Variants in MAP7 observed in about 807,000 individuals in gnomAD.
MAP7 encodes the protein microtubule associated protein 7.
A neutral mutation model predicts 94.8 loss-of-function variants in MAP7; 52 were observed. That is an observed-to-expected ratio of 0.55 (90% confidence interval 0.44 to 0.69). The LOEUF is 0.69. Ranked by LOEUF, MAP7 falls within the 30% of genes least tolerant of loss-of-function variation. The pLI is 0.00. For synonymous variants in MAP7, 350 were observed against 357.0 expected, an observed-to-expected ratio of 0.98 and a Z score of 0.22; for missense variants, 940 against 964.6, an observed-to-expected ratio of 0.97 and a Z score of 0.34.
chr6:136,516,939 T>C lies in MAP7; in HGVS notation c.67+33403A>G, dbSNP rs538944390. Among the ~76,000 whole-genome samples the C allele has an allele frequency of 8.1e-5, 12 of 147,926 alleles. No homozygotes were observed. In the South Asian group the frequency reaches 2.1e-3, roughly 26 times the overall value. ...TCACATACATGCACACGAGCGCACA[T>C]GCACACCCCACATCAGAAGGAAAAA... On this transcript the variant is annotated intron_variant, in intron 1 of 17. Coordinates refer to ENST00000354570, the MANE Select transcript of MAP7 (RefSeq NM_003980.6).
chr6:136,360,945 C>G, intron 12 of MAP7, 60 bp downstream of exon 12: 1 of 1,548,682 alleles, frequency 6.5e-7, no homozygotes, highest in Non-Finnish European at 8.7e-7. Flanking sequence ...CCCTCCTCTG[C>G]TGGGCTGGGG....
At chr6:136,535,866 A>C (rs1402365681) in intron 1 of MAP7, among the ~76,000 whole-genome samples, 4 of 151,820 alleles carry the variant, frequency 2.6e-5, no homozygotes, top group African/African-American at 4.8e-5. Context: ...CATTTACATT[A>C]GGTATATCTC....
chr6:136,355,492 C>A lies in MAP7; in HGVS notation c.2015+1200G>T, dbSNP rs116092704. Among the ~76,000 whole-genome samples, 751 of 152,210 alleles carry A rather than the reference C, an allele frequency of 4.9e-3. 7 individuals carry two copies. Among genetic ancestry groups the A allele is most frequent in the African/African-American group, 0.017 (720 of 41,544 alleles). ...AATAAATAAATAAAAATTCCACAGT[C>A]TCAGAAAGATATCAACACAATAGTA... is the stretch of plus-strand genomic sequence containing the variant. On this transcript the variant is annotated intron_variant, in intron 16 of 17. Coordinates refer to ENST00000354570, the MANE Select transcript of MAP7 (RefSeq NM_003980.6).
chr6:136,518,652 T>C (rs181964639), intron 1 of MAP7, among the ~76,000 whole-genome samples: 42 of 152,318 alleles, frequency 2.8e-4, no homozygotes, highest in African/African-American at 1.0e-3. Context: ...ATCACCTTCA[T>C]TGCTCTTAAG....
At chr6:136,459,683 G>A (rs756562048) in intron 1 of MAP7, among the ~76,000 whole-genome samples, 6 of 152,112 alleles carry the variant, frequency 3.9e-5, no homozygotes, top group Non-Finnish European at 7.4e-5. Context: ...CACTTATGAT[G>A]TATCTAAAAC....
intron 8 of MAP7, among the ~76,000 whole-genome samples, chr6:136,371,206 G>A (rs1309007435): frequency 6.6e-6 from 1 of 152,200 alleles, no homozygotes; most frequent in Non-Finnish European, 1.5e-5. Context: ...TCAGCCACAG[G>A]TGGCCCTCAA....
intron 3 of MAP7, among the ~76,000 whole-genome samples, chr6:136,394,968 A>ATATATCTATC (rs1477760854): frequency 9.2e-5 from 12 of 130,596 alleles, no homozygotes; most frequent in African/African-American, 3.1e-4. Context: ...ATATATATAT[A>ATATATCTATC]TATCACATTT....
rs1791045743 is a variant in MAP7, at chr6:136,356,676, G to C, written c.2015+16C>G. 1 of 1,591,442 alleles carries C rather than the reference G, an allele frequency of 6.3e-7. No homozygotes were observed. The highest frequency in any genetic ancestry group is 8.6e-7 in the Non-Finnish European group (1 of 1,159,626). ...ACAGTAATGTTTTACTTTAATGAATGTCAGTGAAAACTCACCTCTCCACTG... is the reference window on the plus strand; with the variant it reads ...ACAGTAATGTTTTACTTTAATGAATCTCAGTGAAAACTCACCTCTCCACTG... On this transcript the variant is annotated intron_variant, in intron 16 of 17. Coordinates refer to ENST00000354570, the MANE Select transcript of MAP7 (RefSeq NM_003980.6).
intron 1 of MAP7, among the ~76,000 whole-genome samples, chr6:136,536,632 T>C (rs1828911803): frequency 6.6e-6 from 1 of 152,244 alleles, no homozygotes; most frequent in African/African-American, 2.4e-5. Context: ...AGCTGGCTCC[T>C]GTTTCCACAG....
chr6:136,483,217 T>C lies in MAP7; in HGVS notation c.68-61418A>G, dbSNP rs145076307. Among the ~76,000 whole-genome samples the C allele has an allele frequency of 6.0e-3, 912 of 151,670 alleles. 7 individuals are homozygous for C. Among genetic ancestry groups the C allele is most frequent in the African/African-American group, 0.021 (877 of 41,374 alleles). ...CATAAAAAAGAACAGCATCATGTCC[T>C]CTGCAGCAACATGGATGGAGATGGA... On this transcript the variant is annotated intron_variant, in intron 1 of 17. Coordinates refer to ENST00000354570, the MANE Select transcript of MAP7 (RefSeq NM_003980.6).
At chr6:136,399,810 T>G (rs1203518276) in intron 3 of MAP7, among the ~76,000 whole-genome samples, 1 of 152,228 alleles carries the variant, frequency 6.6e-6, no homozygotes, top group African/African-American at 2.4e-5. Flanking sequence ...AAAAGGAATC[T>G]AATGGCTTAA....
chr6:136,372,221 C>T (rs2272875), intron 8 of MAP7, among the ~76,000 whole-genome samples: 8,655 of 152,240 alleles, frequency 0.057, 521 homozygotes, highest in East Asian at 0.23. Flanking sequence ...TGTGTATGGA[C>T]GCTCCAGGAG....
intron 15 of MAP7, among the ~76,000 whole-genome samples, chr6:136,357,174 G>A (rs1454693352): frequency 2.0e-5 from 3 of 152,190 alleles, no homozygotes; most frequent in East Asian, 3.9e-4. Flanking sequence ...TCTTTACAAA[G>A]GATTCAGAGC....
chr6:136,405,118 T>C (rs1785201978), intron 3 of MAP7, among the ~76,000 whole-genome samples: 2 of 152,350 alleles, frequency 1.3e-5, no homozygotes, highest in South Asian at 4.1e-4. Context: ...ATGCAATACC[T>C]CCTGCATTCA....
At chr6:136,357,184 C>A (rs1358951503) in intron 15 of MAP7, among the ~76,000 whole-genome samples, 1 of 152,116 alleles carries the variant, frequency 6.6e-6, no homozygotes, top group Admixed American at 6.5e-5. Flanking sequence ...GGATTCAGAG[C>A]AAATCACCAA....
chr6:136,409,924 C>T (rs1317721099), intron 3 of MAP7, among the ~76,000 whole-genome samples: 1 of 152,066 alleles, frequency 6.6e-6, no homozygotes, highest in African/African-American at 2.4e-5. Context: ...TATGGCATTA[C>T]ATGTTAAGAA....
At chr6:136,527,124 C>A (rs1017491563) in intron 1 of MAP7, among the ~76,000 whole-genome samples, 2 of 152,188 alleles carry the variant, frequency 1.3e-5, no homozygotes, top group African/African-American at 2.4e-5. Context: ...TTGCTACCAG[C>A]GGTGCTGAGC....
intron 1 of MAP7, among the ~76,000 whole-genome samples, chr6:136,464,230 A>T (rs1806190257): frequency 6.6e-6 from 1 of 152,226 alleles, no homozygotes; most frequent in African/African-American, 2.4e-5. Context: ...TTAACATTGC[A>T]TGCTGACTTT....
At chr6:136,374,751 AC>A (rs1162990954) in intron 7 of MAP7, among the ~76,000 whole-genome samples, 3 of 152,204 alleles carry the variant, frequency 2.0e-5, no homozygotes, top group Non-Finnish European at 4.4e-5. Context: ...CCATAGAAAA[AC>A]ATCCTCAAAT....
Sources: gnomAD v4.1 joint callset for allele counts (sites outside exome capture counted in the v4.1 genomes callset) on GRCh38, gnomAD v4.1.1 for gene constraint, MANE v1.5 for transcripts, NCBI Gene and HGNC (gene_info 2026-07-23, HGNC 2026-07-21) for gene names.